The following MGAT5B variants were observed in gnomAD, a reference collection of about 807,000 sequenced individuals.
The protein encoded by MGAT5B is alpha-1,6-mannosylglycoprotein 6-beta-N-acetylglucosaminyltransferase B, also known as N-acetylglucosaminyl-transferase Vb.
Under a neutral mutation model 95.1 loss-of-function variants are expected in MGAT5B, and 54 were observed. That is an observed-to-expected ratio of 0.57 (90% confidence interval 0.46 to 0.71). The LOEUF is 0.71. Ranked by LOEUF, MGAT5B falls within the 30% of genes least tolerant of loss-of-function variation. The pLI is 0.00. For missense variants in MGAT5B, 935 were observed against 1,088.6 expected (o/e 0.86, Z 1.99); for synonymous variants, 464 against 451.0 (o/e 1.03, Z -0.36).
At chr17:76,876,343 G>A (rs1454913610) in intron 2 of MGAT5B, among the ~76,000 whole-genome samples, 1 of 151,924 alleles carries the variant, frequency 6.6e-6, no homozygotes, top group Non-Finnish European at 1.5e-5. Flanking sequence ...GGAAGTCCTG[G>A]GCCAAGGTTG....
intron 1 of MGAT5B, 114 bp from the exon 2 acceptor site, chr17:76,872,737 G>T: frequency 6.3e-7 from 1 of 1,583,366 alleles, no homozygotes; most frequent in Non-Finnish European, 8.6e-7. Flanking sequence ...ATTCTCCCTT[G>T]CTTCCTTCAC....
At chr17:76,873,257 G>A (rs776504142) in intron 2 of MGAT5B, among the ~76,000 whole-genome samples, 3 of 152,230 alleles carry the variant, frequency 2.0e-5, no homozygotes, top group Non-Finnish European at 4.4e-5. Flanking sequence ...GGGTGTCAGG[G>A]GTGAGAGGTC....
chr17:76,911,695 C>T (rs975197172), intron 8 of MGAT5B, among the ~76,000 whole-genome samples: 3 of 152,240 alleles, frequency 2.0e-5, no homozygotes, highest in Non-Finnish European at 1.5e-5. Context: ...AGCTCCCAGG[C>T]ACATTCCCTG....
chr17:76,903,184 G>A, intron 4 of MGAT5B, 119 bp from the exon 5 acceptor site: 1 of 792,480 alleles, frequency 1.3e-6, no homozygotes, highest in African/African-American at 1.8e-5. Context: ...CGGCTGATGA[G>A]CTTTAAGGTG....
In MGAT5B at chr17:76,869,197, G is replaced by A; in HGVS notation, c.68+100G>A. 9.2e-7 allele frequency: 1 copy of A among 1,081,220 alleles called. No individual in the cohort carries two copies. The highest frequency in any genetic ancestry group is 1.3e-5 in the South Asian group (1 of 79,002). The allele number at this position is 1,081,220 out of a possible 1,614,324, so 67.0% of individuals were successfully genotyped here. A position where few individuals can be genotyped will look rare whatever the true frequency, so the allele number is the denominator to read the frequency against. ...CGTTCAAGTCCTGGTGGCAGAGGGGGCGGTTCACACTTCAACCCCTGGTGA... is the reference window on the plus strand; with the variant it reads ...CGTTCAAGTCCTGGTGGCAGAGGGGACGGTTCACACTTCAACCCCTGGTGA... On this transcript the variant is annotated intron_variant, in intron 1 of 17. Coordinates refer to ENST00000569840, the MANE Select transcript of MGAT5B (RefSeq NM_001199172.2). The surrounding 1 kb of genome is among the most constrained non-coding windows in gnomAD (Gnocchi z 7.0).
At chr17:76,933,432 C>A in intron 12 of MGAT5B, 135 bp downstream of exon 12, 2 of 1,160,030 alleles carry the variant, frequency 1.7e-6, no homozygotes, top group Non-Finnish European at 2.5e-6. Flanking sequence ...GTGGATGGAC[C>A]AAGGTGGGGA....
At position 76,930,196 on chromosome 17, in the gene MGAT5B, G is replaced by A. The variant is rs777329480; in HGVS notation, c.1292-2449G>A. ...AGAGGAGAGATCGTTTGGTTCTGTA[G>A]TTGAATTTTCAGGCCCAAGAATCTG... On this transcript the variant is annotated intron_variant, in intron 10 of 17. Coordinates refer to ENST00000569840, the MANE Select transcript of MGAT5B (RefSeq NM_001199172.2). The surrounding 1 kb of genome is among the most constrained non-coding windows in gnomAD (Gnocchi z 4.1). Among the ~76,000 whole-genome samples the A allele has an allele frequency of 4.0e-5, 6 of 151,722 alleles. No homozygotes were observed. Among genetic ancestry groups the A allele is most frequent in the Non-Finnish European group, 5.9e-5 (4 of 67,954 alleles).
At chr17:76,873,068 G>C in intron 2 of MGAT5B, 105 bp downstream of exon 2, 1 of 1,259,224 alleles carries the variant, frequency 7.9e-7, no homozygotes, top group Non-Finnish European at 1.1e-6. Flanking sequence ...TGGCCGCCCT[G>C]TAGGTGGATG....
chr17:76,895,861 C>A (rs1159213639), intron 3 of MGAT5B, among the ~76,000 whole-genome samples: 1 of 152,178 alleles, frequency 6.6e-6, no homozygotes, highest in Non-Finnish European at 1.5e-5. Context: ...ATATGAAAAT[C>A]ACATTAAAAC....
intron 9 of MGAT5B, among the ~76,000 whole-genome samples, chr17:76,925,977 G>C (rs186454627): frequency 6.6e-6 from 1 of 152,252 alleles, no homozygotes; most frequent in African/African-American, 2.4e-5. Context: ...TCTGGGTTTT[G>C]AACTTGGGCC....
At chr17:76,919,924 C>T (rs1403691216) in intron 8 of MGAT5B, among the ~76,000 whole-genome samples, 1 of 152,186 alleles carries the variant, frequency 6.6e-6, no homozygotes, top group East Asian at 1.9e-4. Context: ...CTTCCTGCCC[C>T]GAGAGGGTAG....
At chr17:76,880,032 A>C (rs1298224269) in intron 2 of MGAT5B, among the ~76,000 whole-genome samples, 1 of 152,078 alleles carries the variant, frequency 6.6e-6, no homozygotes, top group Non-Finnish European at 1.5e-5. Flanking sequence ...AGTTTTTGAA[A>C]ATCCACTCTG....
In MGAT5B at chr17:76,930,081, C is replaced by T. The variant is rs1969432544; in HGVS notation, c.1292-2564C>T. Among the ~76,000 whole-genome samples the T allele has an allele frequency of 6.6e-6, 1 of 152,060 alleles. No homozygotes were observed. The highest frequency in any genetic ancestry group is 2.4e-5 in the African/African-American group (1 of 41,376). On this transcript the variant is annotated intron_variant, in intron 10 of 17. Transcript: ENST00000569840. This position sits in a 1 kb window ranked among gnomAD's most constrained non-coding sequence, Gnocchi z 4.1. ...GCTGCTTTGCCTGGCATGGACAGAG[C>T]CTCCTGAGATGGGAGAGCTGTCCTG...
At chr17:76,932,062 T>TTC (rs1428753876) in intron 10 of MGAT5B, among the ~76,000 whole-genome samples, 6 of 143,666 alleles carry the variant, frequency 4.2e-5, no homozygotes, top group African/African-American at 1.6e-4. Flanking sequence ...CTCCTCCTCC[T>TTC]TTTTTCCTCC....
intron 10 of MGAT5B, among the ~76,000 whole-genome samples, chr17:76,928,315 G>A (rs903375755): frequency 6.6e-6 from 1 of 152,140 alleles, no homozygotes; most frequent in Non-Finnish European, 1.5e-5. Flanking sequence ...AGGAAATGGG[G>A]AGTGGAAATA....
chr17:76,934,628 C>T (rs975335154), intron 12 of MGAT5B, among the ~76,000 whole-genome samples: 1 of 152,152 alleles, frequency 6.6e-6, no homozygotes, highest in African/African-American at 2.4e-5. Flanking sequence ...GGTCGTGGAA[C>T]ACACAGGGTC....
In MGAT5B at chr17:76,889,129, T is replaced by C. The variant is rs917020983; in HGVS notation, c.329+6831T>C. On this transcript the variant is annotated intron_variant, in intron 3 of 17. Coordinates refer to ENST00000569840, the MANE Select transcript of MGAT5B (RefSeq NM_001199172.2). The surrounding 1 kb of genome is among the most constrained non-coding windows in gnomAD (Gnocchi z 4.4). ...AATATACTCAGGCCCAGGTCTCCCA[T>C]GCCAGGTACACCGAGCTGTTTTGCA... is the stretch of plus-strand genomic sequence containing the variant. 1.3e-5 allele frequency among the ~76,000 whole-genome samples: 2 copies of C among 152,186 alleles called. No homozygotes were observed. The highest frequency in any genetic ancestry group is 6.5e-5 in the Admixed American group (1 of 15,278).
chr17:76,934,520 G>C (rs772281537), intron 12 of MGAT5B, among the ~76,000 whole-genome samples: 1 of 152,198 alleles, frequency 6.6e-6, no homozygotes, highest in Non-Finnish European at 1.5e-5. Flanking sequence ...GTGGAGCGGG[G>C]AGCTGGGAGA....
At chr17:76,943,127 G>T (rs554057235) in intron 15 of MGAT5B, among the ~76,000 whole-genome samples, 22 of 152,132 alleles carry the variant, frequency 1.4e-4, no homozygotes, top group Non-Finnish European at 2.6e-4. Context: ...GGACACACAA[G>T]AAATTGATAA....
Sources: gnomAD v4.1 joint callset for allele counts (sites outside exome capture counted in the v4.1 genomes callset) on GRCh38, gnomAD v4.1.1 for gene constraint, Gnocchi (gnomAD v3.1) non-coding constraint, MANE v1.5 for transcripts, NCBI Gene and HGNC (gene_info 2026-07-23, HGNC 2026-07-21) for gene names.